Variants in SYNDIG1 observed in about 807,000 individuals in gnomAD.
SYNDIG1 encodes synapse differentiation-inducing gene protein 1.
In SYNDIG1, 9 loss-of-function variants were observed where a neutral mutation model predicts 19.4. The observed-to-expected ratio is 0.46, with a 90% confidence interval of 0.28 to 0.81. The LOEUF (loss-of-function observed/expected upper bound fraction) is 0.81. SYNDIG1 is among the 30% of genes least tolerant of loss of function. The probability of loss-of-function intolerance (pLI) is 0.12; values close to 1 mark genes in which losing one functional copy is unlikely to be tolerated. For synonymous variants in SYNDIG1, 141 were observed against 145.9 expected (o/e 0.97, Z 0.24); for missense variants, 311 against 343.3 (o/e 0.91, Z 0.74).
In SYNDIG1 at chr20:24,473,275, G is replaced by T. The variant is rs141632613; in HGVS notation, c.-79+3522G>T. Among the ~76,000 whole-genome samples, 200 of 152,322 alleles carry T rather than the reference G, an allele frequency of 1.3e-3. 1 individual carries two copies. The highest frequency in any genetic ancestry group is 4.6e-3 in the African/African-American group (191 of 41,564). On this transcript the variant is annotated intron_variant, in intron 1 of 3. Transcript: ENST00000376862. ...GTCATTTTGGGGCAGTGCACTGATAGAAGTTTTTGGAGCCTTAGCTCTTGA... is the reference window on the plus strand; with the variant it reads ...GTCATTTTGGGGCAGTGCACTGATATAAGTTTTTGGAGCCTTAGCTCTTGA...
intron 3 of SYNDIG1, among the ~76,000 whole-genome samples, chr20:24,642,755 T>A (rs2059390611): frequency 6.6e-6 from 1 of 152,148 alleles, no homozygotes; most frequent in Non-Finnish European, 1.5e-5. Flanking sequence ...TGCTTCAGGT[T>A]CATCTTGTAT....
intron 1 of SYNDIG1, among the ~76,000 whole-genome samples, chr20:24,512,526 G>A (rs1008926604): frequency 8.5e-5 from 13 of 152,146 alleles, no homozygotes; most frequent in African/African-American, 2.6e-4. Context: ...CCACGCCCAC[G>A]GAGCCTCGCT....
intron 3 of SYNDIG1, among the ~76,000 whole-genome samples, chr20:24,597,490 C>T (rs1264768242): frequency 1.3e-5 from 2 of 152,098 alleles, no homozygotes; most frequent in East Asian, 1.9e-4. Context: ...TACACAGACT[C>T]ACTGGGTGAG....
At chr20:24,488,563 G>A (rs1452055852) in intron 1 of SYNDIG1, among the ~76,000 whole-genome samples, 2 of 152,250 alleles carry the variant, frequency 1.3e-5, no homozygotes, top group African/African-American at 4.8e-5. Context: ...ACTGATGAAG[G>A]ACAGAATTCT....
intron 3 of SYNDIG1, among the ~76,000 whole-genome samples, chr20:24,646,081 C>T (rs146285716): frequency 6.6e-6 from 1 of 152,178 alleles, no homozygotes; most frequent in Non-Finnish European, 1.5e-5. Context: ...CACATCTGAG[C>T]CCCTCTTCAG....
chr20:24,663,703 A>G (rs1488060992), intron 3 of SYNDIG1, among the ~76,000 whole-genome samples: 1 of 152,204 alleles, frequency 6.6e-6, no homozygotes, highest in Non-Finnish European at 1.5e-5. Flanking sequence ...GTGTTCCCAC[A>G]GGGGTCAGGG....
chr20:24,479,646 C>T (rs528475018), intron 1 of SYNDIG1, among the ~76,000 whole-genome samples: 1 of 152,326 alleles, frequency 6.6e-6, no homozygotes, highest in African/African-American at 2.4e-5. Context: ...TCTCTTGCAT[C>T]TTTTCCACCC....
intron 3 of SYNDIG1, among the ~76,000 whole-genome samples, chr20:24,640,279 C>T (rs1245508123): frequency 6.6e-6 from 1 of 150,786 alleles, no homozygotes; most frequent in Non-Finnish European, 1.5e-5. Context: ...GAGCCAAGAT[C>T]ATGCCACTGG....
intron 3 of SYNDIG1, among the ~76,000 whole-genome samples, chr20:24,614,063 C>T (rs929684059): frequency 3.3e-5 from 5 of 152,226 alleles, no homozygotes; most frequent in Non-Finnish European, 7.3e-5. Context: ...GGCACTATCA[C>T]GGCTCATAGC....
At chr20:24,481,439 CA>C (rs2055794477) in intron 1 of SYNDIG1, among the ~76,000 whole-genome samples, 1 of 152,192 alleles carries the variant, frequency 6.6e-6, no homozygotes, top group African/African-American at 2.4e-5. Context: ...AGCATGGTGT[CA>C]AGGGGGCCAG....
At chr20:24,535,634 G>C (rs894462704) in intron 1 of SYNDIG1, among the ~76,000 whole-genome samples, 2 of 152,102 alleles carry the variant, frequency 1.3e-5, no homozygotes, top group Admixed American at 6.5e-5. Context: ...GAAAAAAAAA[G>C]GGTGAAGATT....
At chr20:24,501,429 G>A (rs1401691898) in intron 1 of SYNDIG1, among the ~76,000 whole-genome samples, 1 of 152,184 alleles carries the variant, frequency 6.6e-6, no homozygotes, top group African/African-American at 2.4e-5. Flanking sequence ...TCCAGTTCAC[G>A]GATATCGTTG....
chr20:24,577,778 C>T (rs574166477), intron 2 of SYNDIG1, among the ~76,000 whole-genome samples: 1 of 152,324 alleles, frequency 6.6e-6, no homozygotes, highest in South Asian at 2.1e-4. Flanking sequence ...CATTCTCACC[C>T]AACGTTGAAA....
chr20:24,510,517 C>T (rs1454677225), intron 1 of SYNDIG1, among the ~76,000 whole-genome samples: 2 of 147,156 alleles, frequency 1.4e-5, no homozygotes, highest in African/African-American at 2.5e-5. Flanking sequence ...TGCAGTGAGC[C>T]GAGATTGCGC....
At chr20:24,563,513 G>A (rs950216219) in intron 2 of SYNDIG1, among the ~76,000 whole-genome samples, 1 of 152,142 alleles carries the variant, frequency 6.6e-6, no homozygotes, top group African/African-American at 2.4e-5. Context: ...ACCACATGCT[G>A]CGTGTTGACC....
At chr20:24,585,820 G>T (rs73905120) in intron 3 of SYNDIG1, among the ~76,000 whole-genome samples, 32 of 152,358 alleles carry the variant, frequency 2.1e-4, no homozygotes, top group African/African-American at 7.2e-4. Context: ...CTGGCCCAGG[G>T]TCGGGGTGGT....
chr20:24,525,896 G>C (rs1368665881), intron 1 of SYNDIG1, among the ~76,000 whole-genome samples: 1 of 152,214 alleles, frequency 6.6e-6, no homozygotes, highest in South Asian at 2.1e-4. Flanking sequence ...TATATAATGT[G>C]ATATAAATGG....
chr20:24,560,063 C>CTTTTTTT lies in SYNDIG1; in HGVS notation c.480+16508_480+16514dup, dbSNP rs60892856. 3.3e-3 allele frequency among the ~76,000 whole-genome samples: 144 copies of CTTTTTTT among 43,046 alleles called. 47 individuals carry two copies. The highest frequency in any genetic ancestry group is 7.5e-3 in the Admixed American group (19 of 2,530). 28.2% of individuals were successfully genotyped at this position (43,046 alleles called of 152,430 possible). A position where few individuals can be genotyped will look rare whatever the true frequency, so the allele number is the denominator to read the frequency against. Reference sequence around the variant, plus strand: ...TTTTTTTTAACATTTCTCTCCTCTCCTTTTTTTTTTTTTTTTTTTTTTTTT... The same window carrying CTTTTTTT: ...TTTTTTTTAACATTTCTCTCCTCTCCTTTTTTTTTTTTTTTTTTTTTTTTTTTTTTTT... On this transcript the variant is annotated intron_variant, in intron 2 of 3. Transcript: ENST00000376862.
intron 2 of SYNDIG1, among the ~76,000 whole-genome samples, chr20:24,548,538 G>T (rs1386988978): frequency 2.0e-5 from 3 of 152,216 alleles, no homozygotes; most frequent in Non-Finnish European, 2.9e-5. Context: ...AAACCCAAAA[G>T]CATGAATGAG....
Sources: allele counts gnomAD v4.1 joint callset (sites outside exome capture counted in the v4.1 genomes callset), GRCh38; gene constraint gnomAD v4.1.1; transcripts MANE v1.5; gene names NCBI Gene and HGNC (gene_info 2026-07-23, HGNC 2026-07-21).